Variants in CD99L2 observed in about 807,000 individuals in gnomAD.
The protein encoded by CD99L2 is CD99 antigen-like protein 2.
Under a neutral mutation model 27.3 loss-of-function variants are expected in CD99L2, and 24 were observed. The observed-to-expected ratio is 0.88, with a 90% confidence interval of 0.64 to 1.24. The LOEUF is 1.24. CD99L2 is among the 50% of genes most tolerant of loss of function. The pLI, the probability that CD99L2 is intolerant of heterozygous loss-of-function variation, is 0.00. For synonymous variants in CD99L2, 97 were observed against 87.9 expected, an observed-to-expected ratio of 1.10 and a Z score of -0.58; for missense variants, 255 against 221.6, an observed-to-expected ratio of 1.15 and a Z score of -0.96.
chrX:150,871,204 G>T (rs1245232095), intron 1 of CD99L2, among the ~76,000 whole-genome samples: 1 of 111,758 alleles, frequency 8.9e-6, no homozygotes, highest in Non-Finnish European at 1.9e-5. Flanking sequence ...CAAGACAGGG[G>T]AACAGTTGGT....
At chrX:150,898,069 CCCCA>C (rs2047644661) in intron 1 of CD99L2, among the ~76,000 whole-genome samples, 27 of 50,988 alleles carry the variant, frequency 5.3e-4, no homozygotes, top group African/African-American at 1.4e-3. Context: ...CCCCCCCCCC[CCCCA>C]CAGCCCATGC....
chrX:150,779,356 G>C (rs1402408376), intron 7 of CD99L2, among the ~76,000 whole-genome samples: 1 of 111,976 alleles, frequency 8.9e-6, no homozygotes, highest in Admixed American at 9.4e-5. Flanking sequence ...ACAAAAATGT[G>C]CTTCTCTTCC....
chrX:150,802,565 C>CA (rs2045925116), intron 4 of CD99L2, among the ~76,000 whole-genome samples: 2 of 91,222 alleles, frequency 2.2e-5, no homozygotes, highest in South Asian at 1.3e-3. Flanking sequence ...GACTCAGGCT[C>CA]AAAAAAAAGA....
intron 1 of CD99L2, among the ~76,000 whole-genome samples, chrX:150,833,586 T>C (rs1222931560): frequency 1.8e-5 from 2 of 111,882 alleles, no homozygotes; most frequent in Non-Finnish European, 3.8e-5. Flanking sequence ...CAAAACAGCA[T>C]GGTACTGGCA....
intron 1 of CD99L2, among the ~76,000 whole-genome samples, chrX:150,865,613 C>A (rs1448185711): frequency 1.8e-5 from 2 of 111,853 alleles, no homozygotes; most frequent in Non-Finnish European, 3.8e-5. Flanking sequence ...GAGGGTTAGA[C>A]TAGGATGCCA....
intron 1 of CD99L2, among the ~76,000 whole-genome samples, chrX:150,881,905 C>G (rs57341497): frequency 0.25 from 26,027 of 106,157 alleles, 2,537 homozygotes; most frequent in Middle Eastern, 0.36. Flanking sequence ...GCAACCTCCG[C>G]CTCCCGGGTT....
At chrX:150,789,430 C>A (rs1377706543) in intron 7 of CD99L2, among the ~76,000 whole-genome samples, 9 of 111,922 alleles carry the variant, frequency 8.0e-5, no homozygotes, top group African/African-American at 2.3e-4. Context: ...CCTATGAATT[C>A]TTTATATCAT....
intron 1 of CD99L2, among the ~76,000 whole-genome samples, chrX:150,896,031 A>AC (rs1368486142): frequency 9.2e-6 from 1 of 108,406 alleles, no homozygotes; most frequent in Non-Finnish European, 1.9e-5. Context: ...GTTTCCAAAA[A>AC]AAAAAAAAAA....
At chrX:150,865,066 C>CA (rs782313986) in intron 1 of CD99L2, among the ~76,000 whole-genome samples, 3,782 of 50,852 alleles carry the variant, frequency 0.074, 164 homozygotes, top group Admixed American at 0.19. Context: ...GACCCTGTCT[C>CA]AAAAAAAAAA....
intron 7 of CD99L2, among the ~76,000 whole-genome samples, chrX:150,786,577 T>G (rs2045598559): frequency 8.9e-6 from 1 of 111,854 alleles, no homozygotes; most frequent in Non-Finnish European, 1.9e-5. Context: ...CTGTGTAGTA[T>G]TTCCTGGTAT....
At chrX:150,824,460 GAAGA>G (rs1487355098) in intron 2 of CD99L2, among the ~76,000 whole-genome samples, 149 of 94,656 alleles carry the variant, frequency 1.6e-3, no homozygotes, top group South Asian at 9.1e-3. Flanking sequence ...GAAGAAGAAA[GAAGA>G]AAGAAGAAGA....
intron 1 of CD99L2, among the ~76,000 whole-genome samples, chrX:150,863,757 C>T (rs2124325728): frequency 8.9e-6 from 1 of 112,193 alleles, no homozygotes; most frequent in South Asian, 3.7e-4. Context: ...TCAAGTTAAG[C>T]TGAGGTTATA....
chrX:150,851,218 C>T (rs11797944), intron 1 of CD99L2, among the ~76,000 whole-genome samples: 31,990 of 111,121 alleles, frequency 0.29, 3,656 homozygotes, highest in African/African-American at 0.42. Flanking sequence ...TGATTCTGTG[C>T]CTTCGAACTT....
chrX:150,811,480 T>G (rs1337604485), intron 4 of CD99L2, among the ~76,000 whole-genome samples: 1 of 111,824 alleles, frequency 8.9e-6, no homozygotes, highest in Non-Finnish European at 1.9e-5. Context: ...TATAAAATAT[T>G]TAAATAATTA....
intron 1 of CD99L2, among the ~76,000 whole-genome samples, chrX:150,863,797 G>A (rs1386295316): frequency 1.8e-5 from 2 of 112,007 alleles, no homozygotes; most frequent in African/African-American, 6.5e-5. Flanking sequence ...TCCAACAAGA[G>A]GTGTTCTTAT....
At chrX:150,806,639 C>T (rs1301871833) in intron 4 of CD99L2, among the ~76,000 whole-genome samples, 2 of 111,887 alleles carry the variant, frequency 1.8e-5, no homozygotes, top group Non-Finnish European at 3.8e-5. Flanking sequence ...GCCTGTAATC[C>T]CAGCACTTTG....
intron 1 of CD99L2, among the ~76,000 whole-genome samples, chrX:150,896,593 C>T (rs1052184257): frequency 2.1e-4 from 24 of 111,697 alleles, no homozygotes; most frequent in African/African-American, 7.8e-4. Context: ...GTGCCTGGCA[C>T]ACAGGAAGAA....
At chrX:150,776,098 T>C in intron 9 of CD99L2, 76 bp downstream of exon 9, 1 of 1,145,128 alleles carries the variant, frequency 8.7e-7, no homozygotes, top group South Asian at 2.0e-5. Flanking sequence ...TGGAGGGATC[T>C]GGATCTGTCC....
intron 7 of CD99L2, among the ~76,000 whole-genome samples, chrX:150,780,308 T>C (rs782538381): frequency 9.0e-6 from 1 of 111,605 alleles, no homozygotes; most frequent in Non-Finnish European, 1.9e-5. Context: ...GAAGAAGTGT[T>C]GGTAAGGATG....
Sources: gnomAD v4.1 joint callset for allele counts (sites outside exome capture counted in the v4.1 genomes callset) on GRCh38, gnomAD v4.1.1 for gene constraint, MANE v1.5 for transcripts, NCBI Gene and HGNC (gene_info 2026-07-23, HGNC 2026-07-21) for gene names.